The following ADGRA3 variants were observed in gnomAD, a reference collection of about 807,000 sequenced individuals.
ADGRA3 encodes the protein adhesion G protein-coupled receptor A3.
In ADGRA3, 56 loss-of-function variants were observed where a neutral mutation model predicts 119.8. The ratio of observed to expected loss-of-function variants is 0.47; its 90% CI spans 0.38 to 0.58. The LOEUF (loss-of-function observed/expected upper bound fraction) is 0.58, where lower values mean the gene tolerates loss of function less well. ADGRA3 is among the 20% of genes least tolerant of loss of function. The pLI is 0.00. For synonymous variants in ADGRA3, 607 were observed against 623.8 expected, an observed-to-expected ratio of 0.97 and a Z score of 0.40; for missense variants, 1,516 against 1,649.0, an observed-to-expected ratio of 0.92 and a Z score of 1.40.
In ADGRA3 at chr4:22,438,412, G is replaced by C. The variant is rs1716481440; in HGVS notation, c.929C>G (p.Thr310Ser). 6.2e-7 allele frequency: 1 copy of C among 1,613,014 alleles called. No homozygotes were observed. Among genetic ancestry groups the C allele is most frequent in the Non-Finnish European group, 8.5e-7 (1 of 1,179,564 alleles). The change falls in exon 8 of 19, where the codon ACC becomes AGC. Residue 310 changes from threonine (T) to serine (S), a missense_variant. Physicochemically the swap from Thr to Ser is moderately conservative, Grantham distance 58. Coordinates refer to ENST00000334304, the MANE Select transcript of ADGRA3 (RefSeq NM_145290.4). ...HNCSLIASAL[T>S]ISNIQAGSTG... ...AGATCCAGCCTGAATATTAGAAATG[G>C]TTAGGGCACTGCATAAAGAAAGATT...
intron 1 of ADGRA3, among the ~76,000 whole-genome samples, chr4:22,479,523 T>C (rs1560338212): frequency 6.7e-6 from 1 of 149,800 alleles, no homozygotes; most frequent in South Asian, 2.1e-4. Flanking sequence ...TGTGGAGAAA[T>C]AGGAATGCCT....
At chr4:22,496,777 T>C (rs1286651458) in intron 1 of ADGRA3, among the ~76,000 whole-genome samples, 5 of 152,222 alleles carry the variant, frequency 3.3e-5, no homozygotes, top group Non-Finnish European at 7.3e-5. Flanking sequence ...ATGAGTCCAA[T>C]GCTGGACAAC....
intron 1 of ADGRA3, among the ~76,000 whole-genome samples, chr4:22,488,589 A>G (rs1275659535): frequency 1.3e-5 from 2 of 148,620 alleles, no homozygotes. Context: ...AGAGAAAAGC[A>G]TGGCTACTTC....
chr4:22,421,172 C>T, intron 11 of ADGRA3, 83 bp from the exon 12 acceptor site: 1 of 1,135,174 alleles, frequency 8.8e-7, no homozygotes, highest in East Asian at 2.4e-5. Context: ...AAACACAAAA[C>T]ACTATGCATT....
At chr4:22,446,121 A>T (rs139638449) in intron 5 of ADGRA3, among the ~76,000 whole-genome samples, 25 of 152,360 alleles carry the variant, frequency 1.6e-4, no homozygotes, top group Admixed American at 1.6e-3. Flanking sequence ...TAACACAGCT[A>T]GAGTGTTGGC....
At chr4:22,402,398 C>T (rs1468192887) in intron 15 of ADGRA3, among the ~76,000 whole-genome samples, 1 of 152,070 alleles carries the variant, frequency 6.6e-6, no homozygotes, top group Non-Finnish European at 1.5e-5. Flanking sequence ...GCGCCTGTGA[C>T]CCGCCCCACA....
At chr4:22,482,980 G>C (rs1247324387) in intron 1 of ADGRA3, among the ~76,000 whole-genome samples, 1 of 152,188 alleles carries the variant, frequency 6.6e-6, no homozygotes, top group Non-Finnish European at 1.5e-5. Flanking sequence ...CCCAGCCAAT[G>C]ACTGAGCACA....
chr4:22,412,809 A>G (rs1715262309), intron 14 of ADGRA3, among the ~76,000 whole-genome samples: 1 of 152,218 alleles, frequency 6.6e-6, no homozygotes, highest in Non-Finnish European at 1.5e-5. Flanking sequence ...ATTGCAAAGT[A>G]GGAAAATGTT....
At chr4:22,437,701 C>T (rs1288134945) in intron 8 of ADGRA3, among the ~76,000 whole-genome samples, 1 of 152,078 alleles carries the variant, frequency 6.6e-6, no homozygotes, top group African/African-American at 2.4e-5. Context: ...CAAACCCCAC[C>T]TGGGATTCCA....
At chr4:22,488,609 G>C (rs1246348863) in intron 1 of ADGRA3, among the ~76,000 whole-genome samples, 1 of 152,208 alleles carries the variant, frequency 6.6e-6, no homozygotes, top group Non-Finnish European at 1.5e-5. Context: ...CGGGGATCTA[G>C]AGGCCAAAGA....
intron 1 of ADGRA3, among the ~76,000 whole-genome samples, chr4:22,490,203 G>A (rs1269382466): frequency 6.6e-6 from 1 of 152,094 alleles, no homozygotes; most frequent in Non-Finnish European, 1.5e-5. Flanking sequence ...AAATTGAAGC[G>A]TTTTTAATGC....
At chr4:22,417,681 T>C (rs1715484710) in intron 12 of ADGRA3, among the ~76,000 whole-genome samples, 1 of 152,150 alleles carries the variant, frequency 6.6e-6, no homozygotes, top group African/African-American at 2.4e-5. Flanking sequence ...TCCACCACTG[T>C]ATCACCTTAT....
chr4:22,482,931 GTCAATTT>G (rs1250371042), intron 1 of ADGRA3, among the ~76,000 whole-genome samples: 1 of 152,156 alleles, frequency 6.6e-6, no homozygotes, highest in Non-Finnish European at 1.5e-5. Context: ...ATCTGCCTCC[GTCAATTT>G]TCAAGCAGAG....
In ADGRA3 at chr4:22,387,892, G is replaced by A. The variant is rs1577315674; in HGVS notation, c.3779C>T (p.Thr1260Ile). 6.2e-7 allele frequency: 1 copy of A among 1,614,114 alleles called. No individual in the cohort carries two copies. Among genetic ancestry groups the A allele is most frequent in the Middle Eastern group, 1.7e-4 (1 of 6,060 alleles). ...SRNFEKPVST[T>I]SKKDALRKPA... is the part of the protein sequence containing the mutation. ...CTTCCTTAACGCATCTTTTTTACTA[G>A]TGGTTGAAACTGGCTTTTCAAAATT... Residue 1260 changes from threonine to isoleucine, a missense_variant, in exon 19 of 19, where the codon ACT (threonine) becomes ATT (isoleucine). Transcript: ENST00000334304.
At chr4:22,421,781 G>A (rs1441686977) in intron 11 of ADGRA3, among the ~76,000 whole-genome samples, 2 of 151,132 alleles carry the variant, frequency 1.3e-5, no homozygotes, top group Admixed American at 6.6e-5. Context: ...TCAGGAGGCT[G>A]TGGGAAGAGA....
intron 14 of ADGRA3, among the ~76,000 whole-genome samples, chr4:22,412,310 A>G (rs887137939): frequency 5.9e-5 from 9 of 152,178 alleles, no homozygotes; most frequent in African/African-American, 2.2e-4. Context: ...GGTTTATTTC[A>G]TAATTATCTG....
At chr4:22,494,653 A>G (rs962419846) in intron 1 of ADGRA3, among the ~76,000 whole-genome samples, 9 of 151,992 alleles carry the variant, frequency 5.9e-5, no homozygotes, top group African/African-American at 1.9e-4. Context: ...AAATTACTAT[A>G]AACTGAGTGG....
In ADGRA3 at chr4:22,515,517, G is replaced by T; in HGVS notation, c.257+11C>A. 6.2e-7 allele frequency: 1 copy of T among 1,603,450 alleles called. No individual in the cohort carries two copies. Among genetic ancestry groups the T allele is most frequent in the Non-Finnish European group, 8.5e-7 (1 of 1,174,920 alleles). ...AGCGGGAGAGGACCCAGCGTCGCGG[G>T]AGATACTCACAGGGTGACCGTGCGG... On this transcript the variant is annotated intron_variant, in intron 1 of 18. Coordinates refer to ENST00000334304, the MANE Select transcript of ADGRA3 (RefSeq NM_145290.4).
At chr4:22,515,234 C>G (rs146287964) in intron 1 of ADGRA3, 1 of 243,526 alleles carries the variant, frequency 4.1e-6, no homozygotes, top group Non-Finnish European at 7.9e-6. Flanking sequence ...TGCATCCTCA[C>G]GTGGCACCGC....
Sources: allele counts gnomAD v4.1 joint callset (sites outside exome capture counted in the v4.1 genomes callset), GRCh38; gene constraint gnomAD v4.1.1; transcripts MANE v1.5; gene names NCBI Gene and HGNC (gene_info 2026-07-23, HGNC 2026-07-21).